The following ZNF644 variants were observed in gnomAD, a reference collection of about 807,000 sequenced individuals.
ZNF644 encodes zinc finger protein 644, also known as zinc finger motif enhancer binding protein 2.
Under a neutral mutation model 108.0 loss-of-function variants are expected in ZNF644, and 20 were observed. That is an observed-to-expected ratio of 0.19 (90% confidence interval 0.13 to 0.27). ZNF644 has a LOEUF of 0.27. Ranked by LOEUF, ZNF644 falls within the 10% of genes least tolerant of loss-of-function variation. The pLI is 1.00. For missense variants in ZNF644, 1,338 were observed against 1,548.9 expected (o/e 0.86, Z 2.29); for synonymous variants, 542 against 539.1 (o/e 1.01, Z -0.08).
At chr1:90,967,883 T>TA (rs202080919) in intron 2 of ZNF644, among the ~76,000 whole-genome samples, 15,324 of 84,760 alleles carry the variant, frequency 0.18, 941 homozygotes, top group Middle Eastern at 0.24. Context: ...CCGTCTCTAC[T>TA]AAAAAAAATA....
intron 4 of ZNF644, among the ~76,000 whole-genome samples, chr1:90,925,515 T>G (rs1336532794): frequency 6.6e-6 from 1 of 152,008 alleles, no homozygotes; most frequent in Non-Finnish European, 1.5e-5. Context: ...ATCTCATTAT[T>G]TAAGGCTTAG....
chr1:90,995,181 G>T (rs1212218574), intron 1 of ZNF644, among the ~76,000 whole-genome samples: 1 of 151,776 alleles, frequency 6.6e-6, no homozygotes, highest in Non-Finnish European at 1.5e-5. Context: ...AAAATTAAAA[G>T]AAATTATGTT....
intron 2 of ZNF644, among the ~76,000 whole-genome samples, chr1:90,942,409 T>G (rs536828362): frequency 6.6e-6 from 1 of 152,294 alleles, no homozygotes; most frequent in African/African-American, 2.4e-5. Flanking sequence ...CCTGTTTTTT[T>G]CCTGCTCTTA....
intron 2 of ZNF644, among the ~76,000 whole-genome samples, chr1:90,952,333 T>C (rs1653261113): frequency 6.6e-6 from 1 of 152,226 alleles, no homozygotes; most frequent in Non-Finnish European, 1.5e-5. Flanking sequence ...ATGTAATTAT[T>C]CTCACTTGTG....
At chr1:91,001,639 C>T (rs981315948) in intron 1 of ZNF644, among the ~76,000 whole-genome samples, 2 of 152,160 alleles carry the variant, frequency 1.3e-5, no homozygotes, top group Non-Finnish European at 2.9e-5. Context: ...ACAGGGATGC[C>T]TTCTCTCACC....
chr1:90,975,097 G>A (rs1303609045), intron 2 of ZNF644, among the ~76,000 whole-genome samples: 1 of 152,064 alleles, frequency 6.6e-6, no homozygotes, highest in Admixed American at 6.5e-5. Flanking sequence ...CTTCTGGGAG[G>A]CCTTGCCATA....
chr1:90,935,696 TG>T (rs1169883293), intron 4 of ZNF644, among the ~76,000 whole-genome samples: 1 of 152,198 alleles, frequency 6.6e-6, no homozygotes, highest in Non-Finnish European at 1.5e-5. Context: ...GTTATTAGTT[TG>T]TAGTTAGTAT....
chr1:90,991,993 C>T (rs1003016010), intron 1 of ZNF644, among the ~76,000 whole-genome samples: 1 of 151,860 alleles, frequency 6.6e-6, no homozygotes, highest in African/African-American at 2.4e-5. Flanking sequence ...ATGATATATG[C>T]AACATGAATG....
At chr1:90,994,286 T>C (rs936582766) in intron 1 of ZNF644, among the ~76,000 whole-genome samples, 3 of 152,172 alleles carry the variant, frequency 2.0e-5, no homozygotes, top group Non-Finnish European at 4.4e-5. Flanking sequence ...ATAGATACCA[T>C]ATGCACTCAT....
chr1:90,961,514 G>C (rs568748906), intron 2 of ZNF644, among the ~76,000 whole-genome samples: 27 of 152,164 alleles, frequency 1.8e-4, no homozygotes, highest in African/African-American at 6.5e-4. Context: ...TCTCTCACAA[G>C]TGTACAATGG....
chr1:90,968,430 TG>T (rs573785234), intron 2 of ZNF644, among the ~76,000 whole-genome samples: 5 of 151,738 alleles, frequency 3.3e-5, no homozygotes, highest in Admixed American at 6.6e-5. Context: ...ATTTCGGTTT[TG>T]GGGGGGGAGC....
At chr1:91,013,468 CACACACACACACACAT>C (rs914125165) in intron 1 of ZNF644, among the ~76,000 whole-genome samples, 14 of 149,388 alleles carry the variant, frequency 9.4e-5, no homozygotes, top group African/African-American at 3.3e-4. Context: ...CACACACACA[CACACACACACACACAT>C]ACACACACAC....
In ZNF644 at chr1:90,916,867, T is replaced by A. The variant is rs762930522; in HGVS notation, c.3915A>T (p.Ser1305=). 6.2e-7 allele frequency: 1 copy of A among 1,614,176 alleles called. No individual in the cohort carries two copies. Among genetic ancestry groups the A allele is most frequent in the South Asian group, 1.1e-5 (1 of 91,082 alleles). Residue 1305 remains serine (S), a synonymous_variant, in exon 6 of 6, where the codon TCA becomes TCT. Transcript: ENST00000337393. ...RTGAGMVEVT[S]LLKKPASITE... is the part of the protein sequence containing the mutation. ...TAATGGAGGCAGGCTTTTTAAGTAGTGACGTGACTTCCACCATGCCAGCTC... is the reference window on the plus strand; with the variant it reads ...TAATGGAGGCAGGCTTTTTAAGTAGAGACGTGACTTCCACCATGCCAGCTC...
intron 4 of ZNF644, among the ~76,000 whole-genome samples, chr1:90,925,941 T>C (rs1649981313): frequency 2.6e-5 from 4 of 152,064 alleles, no homozygotes; most frequent in Admixed American, 2.6e-4. Context: ...CCTTAAAAAT[T>C]GAGTTCCCAG....
At chr1:91,002,508 C>T (rs1258748405) in intron 1 of ZNF644, among the ~76,000 whole-genome samples, 1 of 152,188 alleles carries the variant, frequency 6.6e-6, no homozygotes, top group African/African-American at 2.4e-5. Flanking sequence ...CCCTTCCTTA[C>T]ACCTTATATG....
intron 1 of ZNF644, among the ~76,000 whole-genome samples, chr1:90,985,252 T>C (rs1050659143): frequency 3.3e-5 from 5 of 152,188 alleles, no homozygotes; most frequent in Admixed American, 6.5e-5. Context: ...TATGCTTACA[T>C]AGTAGAATGA....
intron 4 of ZNF644, 107 bp from the exon 5 acceptor site, chr1:90,918,261 A>C (rs1246116608): frequency 3.3e-6 from 3 of 897,890 alleles, no homozygotes; most frequent in Admixed American, 2.0e-5. Context: ...CAGTTAGAAA[A>C]AGTCCGCATT....
At chr1:90,937,371 AGC>A in intron 4 of ZNF644, 112 bp downstream of exon 4, 16 of 1,455,684 alleles carry the variant, frequency 1.1e-5, no homozygotes, top group Admixed American at 1.9e-5. Context: ...AAAAAAAAAA[AGC>A]AGCTTAAACA....
chr1:90,996,639 G>C (rs1331353270), intron 1 of ZNF644, among the ~76,000 whole-genome samples: 3 of 152,102 alleles, frequency 2.0e-5, no homozygotes, highest in Non-Finnish European at 4.4e-5. Flanking sequence ...TTAAAAATTA[G>C]GCATGTTGGC....
Sources: allele counts gnomAD v4.1 joint callset (sites outside exome capture counted in the v4.1 genomes callset), GRCh38; gene constraint gnomAD v4.1.1; transcripts MANE v1.5; gene names NCBI Gene and HGNC (gene_info 2026-07-23, HGNC 2026-07-21).